The following EFCAB11 variants were observed in gnomAD, a reference collection of about 807,000 sequenced individuals.
EFCAB11 encodes EF-hand calcium-binding domain-containing protein 11.
EFCAB11 carries 14 observed loss-of-function variants against 23.0 expected under a neutral mutation model. The observed-to-expected ratio is 0.61, with a 90% CI of 0.40 to 0.95. EFCAB11 has a LOEUF of 0.95. EFCAB11 is among the 40% of genes least tolerant of loss of function. EFCAB11 has a pLI of 0.00. For missense variants in EFCAB11, 198 were observed against 195.8 expected (o/e 1.01, Z -0.07); for synonymous variants, 65 against 66.6 (o/e 0.98, Z 0.11).
intron 5 of EFCAB11, among the ~76,000 whole-genome samples, chr14:89,870,538 C>T (rs1156969610): frequency 2.0e-5 from 3 of 152,082 alleles, no homozygotes; most frequent in Non-Finnish European, 4.4e-5. Context: ...ATAGTTAATA[C>T]ATACAAAAGA....
chr14:89,912,944 A>C (rs1889727596), intron 5 of EFCAB11, among the ~76,000 whole-genome samples: 1 of 152,250 alleles, frequency 6.6e-6, no homozygotes. Context: ...GGCTGTACTC[A>C]GAGCTGGTTT....
intron 3 of EFCAB11, among the ~76,000 whole-genome samples, chr14:89,934,920 C>T (rs958120384): frequency 5.9e-5 from 9 of 152,170 alleles, no homozygotes; most frequent in African/African-American, 2.2e-4. Context: ...GTACCCCAGT[C>T]CACCTCTCAA....
At chr14:89,953,307 G>A (rs1891252693) in intron 2 of EFCAB11, among the ~76,000 whole-genome samples, 1 of 151,948 alleles carries the variant, frequency 6.6e-6, no homozygotes, top group Non-Finnish European at 1.5e-5. Context: ...TGTGCTTTTA[G>A]GTTGATATAT....
chr14:89,921,371 T>C (rs1222456020), intron 5 of EFCAB11, among the ~76,000 whole-genome samples: 1 of 152,134 alleles, frequency 6.6e-6, no homozygotes, highest in Non-Finnish European at 1.5e-5. Context: ...TAGACATTAT[T>C]TGGTAGGGAA....
intron 5 of EFCAB11, among the ~76,000 whole-genome samples, chr14:89,831,704 A>G (rs1363471749): frequency 6.6e-6 from 1 of 152,206 alleles, no homozygotes; most frequent in African/African-American, 2.4e-5. Context: ...CTTTATTTCT[A>G]TATTGTTAGA....
At position 89,952,946 on chromosome 14, in the gene EFCAB11, C is replaced by G. The variant is rs115198012; in HGVS notation, c.171+960G>C. 3.9e-3 allele frequency among the ~76,000 whole-genome samples: 596 copies of G among 152,064 alleles called. 7 individuals are homozygous for G. Among genetic ancestry groups the G allele is most frequent in the African/African-American group, 0.014 (581 of 41,452 alleles). On this transcript the variant is annotated intron_variant, in intron 2 of 5. Transcript: ENST00000316738. Reference sequence around the variant, plus strand: ...GCTTAACAAGAAGGGTGTTGTCTCTCGAATGAATGTAACAGGAAAGCAGAA... The same window carrying G: ...GCTTAACAAGAAGGGTGTTGTCTCTGGAATGAATGTAACAGGAAAGCAGAA...
At chr14:89,949,937 A>G (rs1291859794) in intron 3 of EFCAB11, among the ~76,000 whole-genome samples, 160 bp downstream of exon 3, 1 of 152,094 alleles carries the variant, frequency 6.6e-6, no homozygotes, top group Non-Finnish European at 1.5e-5. Flanking sequence ...CAGTATCATG[A>G]GAACAACATG....
At chr14:89,825,102 C>CA (rs35074143) in intron 5 of EFCAB11, among the ~76,000 whole-genome samples, 9,137 of 59,878 alleles carry the variant, frequency 0.15, 433 homozygotes, top group African/African-American at 0.17. Context: ...ATGCTGGGAC[C>CA]AAAAAAAAAA....
intron 3 of EFCAB11, among the ~76,000 whole-genome samples, chr14:89,946,914 G>A (rs1238148625): frequency 6.6e-6 from 1 of 151,966 alleles, no homozygotes. Context: ...CTATTCATAT[G>A]TGTCTTTTTT....
intron 5 of EFCAB11, among the ~76,000 whole-genome samples, chr14:89,884,229 T>G (rs1888684569): frequency 1.3e-5 from 2 of 152,220 alleles, no homozygotes. Context: ...GTACAATAGT[T>G]CTATTTTTAC....
chr14:89,903,535 G>A (rs747605405), intron 5 of EFCAB11, among the ~76,000 whole-genome samples: 3 of 150,742 alleles, frequency 2.0e-5, no homozygotes, highest in Non-Finnish European at 2.9e-5. Context: ...GCTATTTGAC[G>A]AATAGAGAAC....
intron 5 of EFCAB11, among the ~76,000 whole-genome samples, chr14:89,839,639 G>A (rs1000813690): frequency 6.6e-6 from 1 of 152,092 alleles, no homozygotes; most frequent in Non-Finnish European, 1.5e-5. Flanking sequence ...CCTGAGACTG[G>A]GTGATTTATA....
At chr14:89,832,238 G>A (rs567918163) in intron 5 of EFCAB11, among the ~76,000 whole-genome samples, 99 of 152,126 alleles carry the variant, frequency 6.5e-4, no homozygotes, top group Non-Finnish European at 1.2e-3. Flanking sequence ...ACTTGAATCC[G>A]GGAGGCAGAG....
Position 89,894,228 on chromosome 14 carries a change from G to C in EFCAB11, c.410+37313C>G, listed in dbSNP as rs370466726. On this transcript the variant is annotated intron_variant, in intron 5 of 5. Coordinates refer to ENST00000316738, the MANE Select transcript of EFCAB11 (RefSeq NM_145231.4). ...GCCTCCCAAAGTGCTGGGATTACAGGCGTGAGCCACCGCACCCAGCCTTGA... is the reference window on the plus strand; with the variant it reads ...GCCTCCCAAAGTGCTGGGATTACAGCCGTGAGCCACCGCACCCAGCCTTGA... Among the ~76,000 whole-genome samples the C allele has an allele frequency of 4.7e-4, 72 of 152,122 alleles. No homozygotes were observed. The South Asian group carries it at 0.014, about 29-fold the overall frequency.
chr14:89,842,005 G>A (rs80047309), intron 5 of EFCAB11, among the ~76,000 whole-genome samples: 3 of 152,026 alleles, frequency 2.0e-5, no homozygotes, highest in East Asian at 1.9e-4. Flanking sequence ...CTAAACCTGC[G>A]CCGCCTGTGT....
At chr14:89,901,596 A>G (rs1478939240) in intron 5 of EFCAB11, among the ~76,000 whole-genome samples, 2 of 152,206 alleles carry the variant, frequency 1.3e-5, no homozygotes, top group African/African-American at 4.8e-5. Flanking sequence ...ACAGCAACCC[A>G]CTAGCATGAC....
rs1029853491 is a variant in EFCAB11 at position 89,935,456 on chromosome 14, C to T, written c.218-2829G>A. Reference sequence around the variant, plus strand: ...TTGCTCTCTTGCCCAGGCTGGAGTGCAAAGGCTAGTCACAGGCATGGCCAC... The same window carrying T: ...TTGCTCTCTTGCCCAGGCTGGAGTGTAAAGGCTAGTCACAGGCATGGCCAC... On this transcript the variant is annotated intron_variant, in intron 3 of 5. Coordinates refer to ENST00000316738, the MANE Select transcript of EFCAB11 (RefSeq NM_145231.4). Among the ~76,000 whole-genome samples, 10 of 145,728 alleles carry T rather than the reference C, an allele frequency of 6.9e-5. No homozygotes were observed. The East Asian group carries it at 2.0e-3, about 29-fold the overall frequency.
intron 5 of EFCAB11, among the ~76,000 whole-genome samples, chr14:89,897,132 T>C (rs1259482770): frequency 6.6e-6 from 1 of 151,974 alleles, no homozygotes; most frequent in East Asian, 1.9e-4. Context: ...ACATTTGAAA[T>C]TCTTTTTTAC....
chr14:89,954,579 A>T lies in EFCAB11; in HGVS notation c.75+7T>A. 6.2e-7 allele frequency: 1 copy of T among 1,613,688 alleles called. No homozygotes were observed. The highest frequency in any genetic ancestry group is 8.5e-7 in the Non-Finnish European group (1 of 1,179,884). On this transcript the variant is annotated splice_region_variant and intron_variant, in intron 1 of 5. Transcript: ENST00000316738. ...GTCCGAGGCTCAGTCGCCCTCCGGA[A>T]ACCTACTTCCACCCACTTCCTGTGT...
Sources: allele counts gnomAD v4.1 joint callset (sites outside exome capture counted in the v4.1 genomes callset), GRCh38; gene constraint gnomAD v4.1.1; transcripts MANE v1.5; gene names NCBI Gene and HGNC (gene_info 2026-07-23, HGNC 2026-07-21).